The following HDAC4 variants were observed in gnomAD, a reference collection of about 807,000 sequenced individuals.
The protein encoded by HDAC4 is histone deacetylase 4.
HDAC4 carries 16 observed loss-of-function variants against 135.1 expected under a neutral mutation model. The observed-to-expected ratio is 0.12, with a 90% CI of 0.08 to 0.18. The LOEUF is 0.18. Among genes scored for constraint, HDAC4 ranks in the 10% least tolerant of loss-of-function variants. The probability of loss-of-function intolerance (pLI) is 1.00; values close to 1 mark genes in which losing one functional copy is unlikely to be tolerated. For missense variants in HDAC4, 1,143 were observed against 1,511.8 expected (o/e 0.76, Z 4.05); for synonymous variants, 685 against 653.4 (o/e 1.05, Z -0.74).
intron 3 of HDAC4, among the ~76,000 whole-genome samples, chr2:239,190,540 G>A (rs138938048): frequency 3.3e-5 from 5 of 152,300 alleles, no homozygotes; most frequent in East Asian, 1.9e-4. Flanking sequence ...CTCTTCCATC[G>A]AAGTCACCGT....
At chr2:239,278,915 G>A (rs2050548569) in intron 2 of HDAC4, among the ~76,000 whole-genome samples, 1 of 152,142 alleles carries the variant, frequency 6.6e-6, no homozygotes, top group African/African-American at 2.4e-5. Flanking sequence ...TCAGGAGGGC[G>A]CCTGGAGCCC....
rs930705302 is a variant in HDAC4 at position 239,179,814 on chromosome 2, G to A, written c.340-3251C>T. On this transcript the variant is annotated intron_variant, in intron 4 of 26. Coordinates refer to ENST00000543185, the MANE Select transcript of HDAC4 (RefSeq NM_001378414.1). ...GCCACAGCCTGAGAGCCCACGCGGCGTGCTCAGGGTGGGAGGCGGCACAAG... is the reference window on the plus strand; with the variant it reads ...GCCACAGCCTGAGAGCCCACGCGGCATGCTCAGGGTGGGAGGCGGCACAAG... Among the ~76,000 whole-genome samples, 8 of 152,264 alleles carry A rather than the reference G, an allele frequency of 5.3e-5. No individual in the cohort carries two copies. The East Asian group carries it at 5.8e-4, about 11-fold the overall frequency.
chr2:239,256,581 G>C (rs764588226), intron 2 of HDAC4, among the ~76,000 whole-genome samples: 8 of 152,252 alleles, frequency 5.3e-5, no homozygotes, highest in Non-Finnish European at 8.8e-5. Flanking sequence ...GCCAACACTG[G>C]CTTCCTCAGA....
intron 2 of HDAC4, among the ~76,000 whole-genome samples, chr2:239,322,953 A>G (rs951204789): frequency 2.6e-5 from 4 of 152,178 alleles, no homozygotes; most frequent in Non-Finnish European, 5.9e-5. Context: ...GCATCTTGCC[A>G]TAGTGGGTGG....
chr2:239,116,118 C>T (rs568390908), intron 12 of HDAC4, among the ~76,000 whole-genome samples: 16 of 152,304 alleles, frequency 1.1e-4, no homozygotes, highest in African/African-American at 3.9e-4. Flanking sequence ...TGCTCCTCTC[C>T]TGCTCCCCGC....
At chr2:239,173,668 T>TA (rs1333426658) in intron 5 of HDAC4, among the ~76,000 whole-genome samples, 1 of 152,184 alleles carries the variant, frequency 6.6e-6, no homozygotes, top group Non-Finnish European at 1.5e-5. Flanking sequence ...GCCCATTCTA[T>TA]ATAATAAGCA....
chr2:239,070,499 C>T lies in HDAC4; in HGVS notation c.2751-1892G>A, dbSNP rs78596178. Reference sequence around the variant, plus strand: ...GCTATGAATCCATATGTGTGCTCTCCGTGAGTAGGGAAGTTCAGCAGTTTC... The same window carrying T: ...GCTATGAATCCATATGTGTGCTCTCTGTGAGTAGGGAAGTTCAGCAGTTTC... On this transcript the variant is annotated intron_variant, in intron 22 of 26. Coordinates refer to ENST00000543185, the MANE Select transcript of HDAC4 (RefSeq NM_001378414.1). Among the ~76,000 whole-genome samples the T allele has an allele frequency of 3.0e-3, 460 of 152,350 alleles. 7 individuals carry two copies. Among genetic ancestry groups the T allele is most frequent in the Middle Eastern group, 0.01 (3 of 294 alleles).
intron 16 of HDAC4, among the ~76,000 whole-genome samples, chr2:239,098,692 T>C (rs1393748287): frequency 6.6e-6 from 1 of 152,180 alleles, no homozygotes; most frequent in Non-Finnish European, 1.5e-5. Context: ...GCTTGTGGAT[T>C]CCATTAAAAG....
Position 239,126,620 on chromosome 2 carries a change from A to C in HDAC4, c.1369T>G (p.Ser457Ala). 1.2e-6 allele frequency: 2 copies of C among 1,613,660 alleles called. No homozygotes were observed. The highest frequency in any genetic ancestry group is 4.5e-5 in the East Asian group (2 of 44,868). ...SLVGADRVSP[S>A]IHKLRQHRPL... is the part of the protein sequence containing the mutation. ...CGGTGCTGCCGCAGCTTGTGGATGG[A>C]GGGGGACACCCGGTCTGCACCAACC... The change falls in exon 12 of 27, where the codon TCC (serine) becomes GCC (alanine). Residue 457 changes from serine (S) to alanine (A), a missense_variant. Ser to Ala is a moderately conservative substitution (Grantham distance 99). Coordinates refer to ENST00000543185, the MANE Select transcript of HDAC4 (RefSeq NM_001378414.1).
rs987167778 is a variant in HDAC4 at position 239,331,879 on chromosome 2, G to A, written c.22+20799C>T. ...ACGGCTCGGACCCTGGGAAACGAACGCCAGACTGAGCGTGGGGGTGAGGAG... is the reference window on the plus strand; with the variant it reads ...ACGGCTCGGACCCTGGGAAACGAACACCAGACTGAGCGTGGGGGTGAGGAG... On this transcript the variant is annotated intron_variant, in intron 2 of 26. Coordinates refer to ENST00000543185, the MANE Select transcript of HDAC4 (RefSeq NM_001378414.1). This position sits in a 1 kb window ranked among gnomAD's most constrained non-coding sequence, Gnocchi z 4.5. Among the ~76,000 whole-genome samples the A allele has an allele frequency of 8.5e-5, 13 of 152,280 alleles. No homozygotes were observed. Among genetic ancestry groups the A allele is most frequent in the South Asian group, 4.1e-4 (2 of 4,824 alleles).
At chr2:239,122,322 G>A (rs560121707) in intron 12 of HDAC4, among the ~76,000 whole-genome samples, 14 of 152,244 alleles carry the variant, frequency 9.2e-5, no homozygotes, top group Non-Finnish European at 1.8e-4. Flanking sequence ...ACCTTCCAAC[G>A]AACGTCCTCT....
chr2:239,335,530 A>AAC (rs1691880404), intron 2 of HDAC4, among the ~76,000 whole-genome samples: 5 of 135,842 alleles, frequency 3.7e-5, no homozygotes, highest in South Asian at 2.3e-4. Context: ...AAAAAAAAAA[A>AAC]CACCATTAAG....
intron 7 of HDAC4, among the ~76,000 whole-genome samples, chr2:239,153,768 G>A (rs1414206115): frequency 6.6e-6 from 1 of 152,246 alleles, no homozygotes; most frequent in Non-Finnish European, 1.5e-5. Context: ...CACAAGGTTA[G>A]AAGCACAGTA....
intron 12 of HDAC4, among the ~76,000 whole-genome samples, chr2:239,117,125 G>T (rs2152815940): frequency 6.6e-6 from 1 of 152,348 alleles, no homozygotes; most frequent in East Asian, 1.9e-4. Context: ...AGTGGAACAG[G>T]GTGTATGGCT....
At chr2:239,323,688 G>A (rs2053384950) in intron 2 of HDAC4, among the ~76,000 whole-genome samples, 1 of 152,034 alleles carries the variant, frequency 6.6e-6, no homozygotes, top group African/African-American at 2.4e-5. Flanking sequence ...GAGAGGTAAT[G>A]CTGAATTCAT....
chr2:239,076,191 G>A (rs892075672), intron 22 of HDAC4, among the ~76,000 whole-genome samples: 11 of 152,072 alleles, frequency 7.2e-5, no homozygotes, highest in African/African-American at 2.7e-4. Flanking sequence ...AGCTGGGTTG[G>A]GTTGGAACAG....
intron 2 of HDAC4, among the ~76,000 whole-genome samples, chr2:239,340,963 C>A (rs1327882268): frequency 6.6e-6 from 1 of 152,182 alleles, no homozygotes; most frequent in Non-Finnish European, 1.5e-5. Flanking sequence ...CTAAGGGGAT[C>A]CTAACCTCCC....
At chr2:239,134,889 T>C (rs2040843528) in intron 9 of HDAC4, among the ~76,000 whole-genome samples, 1 of 152,342 alleles carries the variant, frequency 6.6e-6, no homozygotes, top group Middle Eastern at 3.4e-3. Flanking sequence ...TTGTCCAGCA[T>C]CATCTCGTTG....
intron 1 of HDAC4, among the ~76,000 whole-genome samples, chr2:239,375,956 G>C (rs966706092): frequency 2.0e-5 from 3 of 152,234 alleles, no homozygotes; most frequent in African/African-American, 7.2e-5. Context: ...GTCATGTCCT[G>C]TCCACAGCCT....
Sources: allele counts gnomAD v4.1 joint callset (sites outside exome capture counted in the v4.1 genomes callset), GRCh38; gene constraint gnomAD v4.1.1; non-coding constraint Gnocchi (gnomAD v3.1); transcripts MANE v1.5; gene names NCBI Gene and HGNC (gene_info 2026-07-23, HGNC 2026-07-21).